Variants in SLCO3A1 observed in about 807,000 individuals in gnomAD.
SLCO3A1 encodes the protein PGE1 transporter.
Under a neutral mutation model 63.1 loss-of-function variants are expected in SLCO3A1, and 27 were observed. That is an observed-to-expected ratio of 0.43 (90% CI 0.32 to 0.59). The LOEUF (loss-of-function observed/expected upper bound fraction) is 0.59, where lower values mean the gene tolerates loss of function less well. SLCO3A1 is among the 20% of genes least tolerant of loss of function. The pLI, the probability that SLCO3A1 is intolerant of heterozygous loss-of-function variation, is 0.09. For missense variants in SLCO3A1, 773 were observed against 945.8 expected, an observed-to-expected ratio of 0.82 and a Z score of 2.40; for synonymous variants, 473 against 409.9, an observed-to-expected ratio of 1.15 and a Z score of -1.86.
At chr15:92,016,258 A>ATAGATAGATAGATTGAT (rs2046433257) in intron 2 of SLCO3A1, among the ~76,000 whole-genome samples, 16 of 126,234 alleles carry the variant, frequency 1.3e-4, no homozygotes, top group African/African-American at 5.0e-4. Context: ...GATAGATTAG[A>ATAGATAGATAGATTGAT]TAGATAGATA....
In SLCO3A1 at chr15:92,164,515, GAC is replaced by G; in HGVS notation, c.*1383_*1384del. On this transcript the variant is annotated 3_prime_UTR_variant, in exon 10 of 10. Coordinates refer to ENST00000318445, the MANE Select transcript of SLCO3A1 (RefSeq NM_013272.4). ...GGCGTTCTTTTCAGCCTGTGGAGGA[GAC>G]ACTCTTAGATGTGGGTTTGTGTGTA... The G allele has an allele frequency of 1.0e-6, 1 of 985,416 alleles. No individual in the cohort carries two copies. Among genetic ancestry groups the G allele is most frequent in the Non-Finnish European group, 1.2e-6 (1 of 829,936 alleles). The allele number at this position is 985,416 out of a possible 1,614,324, so 61.0% of individuals were successfully genotyped here. A position where few individuals can be genotyped will look rare whatever the true frequency, so the allele number is the denominator to read the frequency against.
At chr15:92,092,417 G>T (rs556291331) in intron 2 of SLCO3A1, among the ~76,000 whole-genome samples, 22 of 152,166 alleles carry the variant, frequency 1.4e-4, no homozygotes, top group Non-Finnish European at 2.5e-4. Flanking sequence ...AGAAGGGTAG[G>T]CACAGCACCC....
chr15:91,902,216 A>G (rs549112399), intron 1 of SLCO3A1, among the ~76,000 whole-genome samples: 1 of 152,044 alleles, frequency 6.6e-6, no homozygotes, highest in South Asian at 2.1e-4. Context: ...TTAAGAGACA[A>G]GAGTCTCACT....
intron 8 of SLCO3A1, chr15:92,148,785 A>G (rs533182876): frequency 6.6e-6 from 1 of 152,374 alleles, no homozygotes; most frequent in South Asian, 2.1e-4. Flanking sequence ...AACGTTAACT[A>G]TAATAGCAGA....
rs559203146 is a variant in SLCO3A1, at chr15:91,878,398, G to A, written c.180+24310G>A. ...CCAGGGCGATTTAGGCCTTTTCAGT[G>A]GGCTCCAGGATTGCAGATGTGTTCA... On this transcript the variant is annotated intron_variant, in intron 1 of 9. Coordinates refer to ENST00000318445, the MANE Select transcript of SLCO3A1 (RefSeq NM_013272.4). Among the ~76,000 whole-genome samples the A allele has an allele frequency of 7.7e-4, 117 of 152,264 alleles. 1 individual carries two copies. The highest frequency in any genetic ancestry group is 2.7e-3 in the African/African-American group (113 of 41,568).
At chr15:91,960,998 C>G (rs954233958) in intron 2 of SLCO3A1, among the ~76,000 whole-genome samples, 28 of 152,314 alleles carry the variant, frequency 1.8e-4, no homozygotes, top group African/African-American at 6.7e-4. Flanking sequence ...AGACCATAGT[C>G]TGCTCAACCA....
chr15:92,055,808 C>T lies in SLCO3A1; in HGVS notation c.647-39073C>T, dbSNP rs546053365. The stretch of plus-strand genomic sequence containing the variant: ...AAAGACGTTGTCACATGAGATTCAC[C>T]ATCTATCAGTTTTTCCCTAATTTAT... On this transcript the variant is annotated intron_variant, in intron 2 of 9. Coordinates refer to ENST00000318445, the MANE Select transcript of SLCO3A1 (RefSeq NM_013272.4). Among the ~76,000 whole-genome samples the T allele has an allele frequency of 1.6e-4, 24 of 152,284 alleles. No individual in the cohort carries two copies. In the East Asian group the frequency reaches 3.1e-3, roughly 20 times the overall value.
chr15:92,113,889 A>G (rs169618), intron 4 of SLCO3A1, among the ~76,000 whole-genome samples: 98,775 of 152,152 alleles, frequency 0.65, 33,613 homozygotes, highest in Admixed American at 0.77. Context: ...GTTTGAGTCA[A>G]CATCACCTGT....
intron 2 of SLCO3A1, among the ~76,000 whole-genome samples, chr15:91,997,405 C>T (rs1437938287): frequency 6.6e-6 from 1 of 152,142 alleles, no homozygotes; most frequent in Admixed American, 6.6e-5. Flanking sequence ...TTGGAAGAAT[C>T]AATATTGTTA....
chr15:91,915,915 C>A, intron 1 of SLCO3A1, 78 bp from the exon 2 acceptor site: 1 of 1,236,440 alleles, frequency 8.1e-7, no homozygotes, highest in Non-Finnish European at 1.2e-6. Context: ...ATGGGCAGAG[C>A]GCACTGTCAG....
At chr15:91,921,216 C>T (rs1216281658) in intron 2 of SLCO3A1, among the ~76,000 whole-genome samples, 1 of 152,232 alleles carries the variant, frequency 6.6e-6, no homozygotes, top group Non-Finnish European at 1.5e-5. Context: ...CTTCCCTCTG[C>T]ATACACATCC....
At chr15:91,864,508 T>G (rs894309512) in intron 1 of SLCO3A1, among the ~76,000 whole-genome samples, 14 of 134,250 alleles carry the variant, frequency 1.0e-4, no homozygotes, top group African/African-American at 2.8e-4. Context: ...TTTTTTTTTT[T>G]GTCTAAATAG....
At chr15:92,089,143 A>G (rs1040122689) in intron 2 of SLCO3A1, among the ~76,000 whole-genome samples, 2 of 151,870 alleles carry the variant, frequency 1.3e-5, no homozygotes, top group Non-Finnish European at 2.9e-5. Context: ...CTCCTGCCTC[A>G]GCCTCCTGAG....
chr15:91,984,584 G>T (rs1225866822), intron 2 of SLCO3A1, among the ~76,000 whole-genome samples: 1 of 151,820 alleles, frequency 6.6e-6, no homozygotes, highest in East Asian at 1.9e-4. Flanking sequence ...AACATAGAAG[G>T]CATATTATAA....
chr15:92,004,113 G>C (rs2046286707), intron 2 of SLCO3A1, among the ~76,000 whole-genome samples: 1 of 152,204 alleles, frequency 6.6e-6, no homozygotes, highest in South Asian at 2.1e-4. Context: ...GAGGCTCTCT[G>C]GGGTAGGGCT....
chr15:92,063,982 T>G (rs1271700563), intron 2 of SLCO3A1, among the ~76,000 whole-genome samples: 2 of 152,228 alleles, frequency 1.3e-5, no homozygotes, highest in African/African-American at 4.8e-5. Context: ...CTATTCCCAT[T>G]TCATAGATGG....
intron 2 of SLCO3A1, among the ~76,000 whole-genome samples, chr15:92,064,278 A>C (rs965987369): frequency 2.6e-5 from 4 of 152,142 alleles, no homozygotes; most frequent in Non-Finnish European, 2.9e-5. Flanking sequence ...CTGTTTTTAA[A>C]TCCAATTACT....
At chr15:91,927,972 T>C (rs931115854) in intron 2 of SLCO3A1, among the ~76,000 whole-genome samples, 6 of 152,220 alleles carry the variant, frequency 3.9e-5, no homozygotes, top group African/African-American at 1.2e-4. Flanking sequence ...TTCATCAAGG[T>C]AGATCTACCA....
At position 92,157,005 on chromosome 15, in the gene SLCO3A1, T is replaced by G. The variant is rs1203336566; in HGVS notation, c.1754-5751T>G. ...GAGGTTTAATCTCTGTTAATAGATT[T>G]CAGGAAAACAGAGACAGTGTTCTTA... On this transcript the variant is annotated intron_variant, in intron 9 of 9. Transcript: ENST00000318445. The G allele has an allele frequency of 2.1e-4, 32 of 152,236 alleles. 2 individuals carry two copies. Among genetic ancestry groups the G allele is most frequent in the Admixed American group, 2.1e-3 (32 of 15,292 alleles). The allele number at this position is 152,236 out of a possible 1,614,324, so 9.4% of individuals were successfully genotyped here. A position where few individuals can be genotyped will look rare whatever the true frequency, so the allele number is the denominator to read the frequency against.
Sources: allele counts gnomAD v4.1 joint callset (sites outside exome capture counted in the v4.1 genomes callset), GRCh38; gene constraint gnomAD v4.1.1; transcripts MANE v1.5; gene names NCBI Gene and HGNC (gene_info 2026-07-23, HGNC 2026-07-21).